Variants in DISP1 observed in about 807,000 individuals in gnomAD.
DISP1 encodes the protein protein dispatched homolog 1.
In DISP1, 30 loss-of-function variants were observed where a neutral mutation model predicts 37.3. That is an observed-to-expected ratio of 0.80 (90% CI 0.60 to 1.09). The LOEUF is 1.09. Ranked by LOEUF, DISP1 falls within the 50% of genes least tolerant of loss-of-function variation. The pLI is 0.00. For missense variants in DISP1, 1,598 were observed against 1,879.5 expected, an observed-to-expected ratio of 0.85 and a Z score of 2.77; for synonymous variants, 634 against 690.2, an observed-to-expected ratio of 0.92 and a Z score of 1.28.
chr1:222,837,173 C>T (rs1213274653), intron 1 of DISP1: 2 of 396,660 alleles, frequency 5.0e-6, no homozygotes, highest in Non-Finnish European at 8.9e-6. Context: ...GCCATTTGTC[C>T]TGGATGCCCT....
intron 2 of DISP1, among the ~76,000 whole-genome samples, chr1:222,934,492 T>C (rs1278373991): frequency 6.6e-6 from 1 of 152,140 alleles, no homozygotes; most frequent in Non-Finnish European, 1.5e-5. Flanking sequence ...TTTATTTCTC[T>C]GGCCATAACA....
intron 1 of DISP1, among the ~76,000 whole-genome samples, chr1:222,847,802 T>G (rs988145913): frequency 5.3e-5 from 8 of 152,118 alleles, no homozygotes; most frequent in Non-Finnish European, 5.9e-5. Flanking sequence ...AATTTTTTTT[T>G]GAATTAGCCC....
chr1:222,921,677 A>G (rs1169284765), intron 1 of DISP1, among the ~76,000 whole-genome samples: 1 of 152,204 alleles, frequency 6.6e-6, no homozygotes, highest in African/African-American at 2.4e-5. Context: ...TTTACAGACT[A>G]CATTTCAATA....
chr1:222,991,984 T>C (rs1344573020), intron 6 of DISP1, 29 bp from the exon 7 acceptor site: 1 of 1,551,780 alleles, frequency 6.4e-7, no homozygotes, highest in Non-Finnish European at 8.9e-7. Flanking sequence ...GAGAACTTTA[T>C]TGAAGATCAA....
intron 1 of DISP1, among the ~76,000 whole-genome samples, chr1:222,905,888 C>A (rs1671861835): frequency 6.6e-6 from 1 of 152,028 alleles, no homozygotes; most frequent in Admixed American, 6.6e-5. Context: ...AGGATTTACT[C>A]AAGAGTGCAT....
At chr1:222,917,119 T>C (rs770101548) in intron 1 of DISP1, among the ~76,000 whole-genome samples, 1 of 152,208 alleles carries the variant, frequency 6.6e-6, no homozygotes, top group Non-Finnish European at 1.5e-5. Context: ...CCAGTAAATA[T>C]GAAGGGCTGT....
chr1:222,937,009 T>C (rs1321453918), intron 2 of DISP1, among the ~76,000 whole-genome samples: 2 of 107,640 alleles, frequency 1.9e-5, no homozygotes, highest in African/African-American at 3.5e-5. Flanking sequence ...TAATATAGAA[T>C]ATTATATATT....
intron 3 of DISP1, among the ~76,000 whole-genome samples, chr1:222,963,495 G>C (rs1425011777): frequency 1.3e-5 from 2 of 152,162 alleles, no homozygotes; most frequent in Non-Finnish European, 2.9e-5. Flanking sequence ...ATTTACAATA[G>C]CACAGTCATG....
chr1:222,869,446 T>TTA (rs1669393265), intron 1 of DISP1, among the ~76,000 whole-genome samples: 1 of 152,182 alleles, frequency 6.6e-6, no homozygotes, highest in African/African-American at 2.4e-5. Flanking sequence ...GGTGTGTGTG[T>TTA]TATAGTCAAC....
chr1:222,974,623 C>G (rs190468530), intron 3 of DISP1, among the ~76,000 whole-genome samples: 66 of 152,248 alleles, frequency 4.3e-4, no homozygotes, highest in Admixed American at 7.2e-4. Flanking sequence ...ACTTTTGAGT[C>G]AGCATCTCGT....
chr1:222,849,966 A>G (rs756949819), intron 1 of DISP1, among the ~76,000 whole-genome samples: 3 of 152,158 alleles, frequency 2.0e-5, no homozygotes, highest in African/African-American at 7.2e-5. Context: ...TTGTATGTGG[A>G]CATGGCTAAT....
chr1:222,943,455 A>G, intron 3 of DISP1, 123 bp downstream of exon 3: 3 of 1,358,448 alleles, frequency 2.2e-6, no homozygotes, highest in East Asian at 2.3e-5. Flanking sequence ...ATGAAAACGC[A>G]TATTCTGTGG....
intron 3 of DISP1, among the ~76,000 whole-genome samples, chr1:222,968,632 C>T (rs1469201263): frequency 6.6e-6 from 1 of 152,008 alleles, no homozygotes; most frequent in Non-Finnish European, 1.5e-5. Flanking sequence ...AGATTTTTTT[C>T]CCCCTTAAAA....
chr1:222,924,056 G>A (rs1672953830), intron 1 of DISP1, among the ~76,000 whole-genome samples: 1 of 152,182 alleles, frequency 6.6e-6, no homozygotes, highest in South Asian at 2.1e-4. Flanking sequence ...GATTTTAGAG[G>A]TAGAATTTTC....
intron 1 of DISP1, among the ~76,000 whole-genome samples, chr1:222,840,184 A>T (rs1667505606): frequency 1.3e-5 from 2 of 152,186 alleles, no homozygotes; most frequent in Non-Finnish European, 2.9e-5. Context: ...GTAAAGTCGA[A>T]CTATTATAAA....
chr1:222,948,692 A>T (rs1006957450), intron 3 of DISP1, among the ~76,000 whole-genome samples: 1 of 152,230 alleles, frequency 6.6e-6, no homozygotes, highest in Non-Finnish European at 1.5e-5. Context: ...ATGTTATTCA[A>T]TTAATGTTTA....
intron 8 of DISP1, among the ~76,000 whole-genome samples, chr1:222,996,822 G>A (rs940788749): frequency 3.3e-5 from 5 of 151,952 alleles, no homozygotes; most frequent in South Asian, 2.1e-4. Context: ...TACCTCCCCC[G>A]TTTTGTTTCC....
At chr1:223,000,025 T>A (rs1416273821) in intron 8 of DISP1, among the ~76,000 whole-genome samples, 1 of 152,192 alleles carries the variant, frequency 6.6e-6, no homozygotes, top group Admixed American at 6.5e-5. Context: ...ACTATACACA[T>A]CTAAAAATGT....
chr1:222,834,441 C>T (rs892633740), intron 1 of DISP1, among the ~76,000 whole-genome samples: 1 of 152,064 alleles, frequency 6.6e-6, no homozygotes, highest in Non-Finnish European at 1.5e-5. Context: ...CTTAGACAGG[C>T]AGGAATTTAG....
Sources: allele counts gnomAD v4.1 joint callset (sites outside exome capture counted in the v4.1 genomes callset), GRCh38; gene constraint gnomAD v4.1.1; transcripts MANE v1.5; gene names NCBI Gene and HGNC (gene_info 2026-07-23, HGNC 2026-07-21).